NCOA2: variants seen among roughly 807,000 people sequenced by gnomAD.
NCOA2 encodes class E basic helix-loop-helix protein 75.
A neutral mutation model predicts 145.1 loss-of-function variants in NCOA2; 21 were observed. That is an observed-to-expected ratio of 0.14 (90% CI 0.10 to 0.21). The LOEUF is 0.21. NCOA2 is among the 10% of genes least tolerant of loss of function. NCOA2 has a pLI of 1.00. For missense variants in NCOA2, 1,472 were observed against 1,837.6 expected (o/e 0.80, Z 3.64); for synonymous variants, 619 against 637.5 (o/e 0.97, Z 0.44).
chr8:70,413,376 AC>A, the NCOA2 span, among the ~76,000 whole-genome samples: 7 of 152,320 alleles, frequency 4.6e-5, no homozygotes, highest in South Asian at 8.3e-4. Context: ...CCTGAGTCCT[AC>A]ATTTTTAAGA....
chr8:70,112,982 T>C lies in NCOA2; in HGVS notation c.*650A>G, dbSNP rs2131131870. 1 of 199,558 alleles carries C rather than the reference T, an allele frequency of 5.0e-6. No homozygotes were observed. Among genetic ancestry groups the C allele is most frequent in the Middle Eastern group, 1.7e-3 (1 of 596 alleles). The allele number at this position is 199,558 out of a possible 1,614,324, so 12.4% of individuals were successfully genotyped here. A position where few individuals can be genotyped will look rare whatever the true frequency, so the allele number is the denominator to read the frequency against. On this transcript the variant is annotated 3_prime_UTR_variant, in exon 23 of 23. Coordinates refer to ENST00000452400, the MANE Select transcript of NCOA2 (RefSeq NM_006540.4). Reference sequence around the variant, plus strand: ...GTTAACAGCCCTCTCACAGGCTCCTTTTCATCTGTTCAGTAACTGGAGACT... The same window carrying C: ...GTTAACAGCCCTCTCACAGGCTCCTCTTCATCTGTTCAGTAACTGGAGACT...
the NCOA2 span, among the ~76,000 whole-genome samples, chr8:70,409,488 A>G: frequency 6.6e-6 from 1 of 152,230 alleles, no homozygotes; most frequent in Non-Finnish European, 1.5e-5. Context: ...TGCTACAACT[A>G]GGTATCAGTT....
chr8:70,351,613 A>C (rs1195199243), intron 1 of NCOA2, among the ~76,000 whole-genome samples: 2 of 147,878 alleles, frequency 1.4e-5, no homozygotes, highest in Non-Finnish European at 3.0e-5. Flanking sequence ...TTTTTTTTAA[A>C]GTCTTGCTCT....
At chr8:70,129,518 A>G (rs1400549690) in intron 16 of NCOA2, among the ~76,000 whole-genome samples, 1 of 152,172 alleles carries the variant, frequency 6.6e-6, no homozygotes, top group Non-Finnish European at 1.5e-5. Flanking sequence ...GGTGGGGTCC[A>G]ATTCAGTTTG....
At chr8:70,297,126 A>C (rs1039522747) in intron 1 of NCOA2, among the ~76,000 whole-genome samples, 3 of 152,136 alleles carry the variant, frequency 2.0e-5, no homozygotes, top group African/African-American at 7.2e-5. Flanking sequence ...ATGAGACAAA[A>C]AGCTGAGTAA....
At chr8:70,428,866 T>TAA in the NCOA2 span, among the ~76,000 whole-genome samples, 3,468 of 147,104 alleles carry the variant, frequency 0.024, 128 homozygotes, top group African/African-American at 0.076. Context: ...GCTAATTTGC[T>TAA]AAAAAAAAAA....
At chr8:70,371,123 C>A (rs551540424) in intron 1 of NCOA2, among the ~76,000 whole-genome samples, 1 of 151,878 alleles carries the variant, frequency 6.6e-6, no homozygotes, top group Non-Finnish European at 1.5e-5. Flanking sequence ...CCCGTCTCTA[C>A]TAAAAATACA....
chr8:70,152,707 G>A (rs1321222202), intron 11 of NCOA2, among the ~76,000 whole-genome samples: 1 of 152,198 alleles, frequency 6.6e-6, no homozygotes, highest in Non-Finnish European at 1.5e-5. Flanking sequence ...AGGAAATGCT[G>A]TAGAAACAAA....
At chr8:70,238,109 C>T (rs948068470) in intron 2 of NCOA2, among the ~76,000 whole-genome samples, 2 of 152,024 alleles carry the variant, frequency 1.3e-5, no homozygotes, top group Non-Finnish European at 2.9e-5. Context: ...ACAGAAATGA[C>T]AGGTTCATGG....
Position 70,289,603 on chromosome 8 carries a change from T to G in NCOA2, c.-20+7141A>C, listed in dbSNP as rs1034104502. On this transcript the variant is annotated intron_variant, in intron 2 of 22. Coordinates refer to ENST00000452400, the MANE Select transcript of NCOA2 (RefSeq NM_006540.4). The stretch of plus-strand genomic sequence containing the variant: ...AATGTGTGACTTCTGCTTGTAAAAT[T>G]TATGTAACTGGCACCAAAAAAGCCA... Among the ~76,000 whole-genome samples the G allele has an allele frequency of 3.3e-5, 5 of 152,122 alleles. No individual in the cohort carries two copies. In the South Asian group the frequency reaches 6.2e-4, roughly 19 times the overall value.
chr8:70,238,184 T>G (rs1821817989), intron 2 of NCOA2, among the ~76,000 whole-genome samples: 1 of 152,118 alleles, frequency 6.6e-6, no homozygotes, highest in Non-Finnish European at 1.5e-5. Flanking sequence ...TTTAAACTAC[T>G]TAGGAAGAGG....
intron 2 of NCOA2, among the ~76,000 whole-genome samples, chr8:70,279,704 G>C (rs1284793040): frequency 6.6e-6 from 1 of 152,152 alleles, no homozygotes; most frequent in Non-Finnish European, 1.5e-5. Context: ...AATCCAACAT[G>C]GACCAGTGAG....
At chr8:70,220,778 T>C (rs1022144426) in intron 2 of NCOA2, among the ~76,000 whole-genome samples, 1 of 152,238 alleles carries the variant, frequency 6.6e-6, no homozygotes, top group Non-Finnish European at 1.5e-5. Flanking sequence ...ATAATTTATG[T>C]AAACGATAAT....
intron 22 of NCOA2, among the ~76,000 whole-genome samples, chr8:70,114,321 C>T (rs1000466586): frequency 1.3e-5 from 2 of 152,140 alleles, no homozygotes; most frequent in African/African-American, 2.4e-5. Context: ...GCACTGCACC[C>T]GGCCTCTTGG....
At chr8:70,256,718 C>G (rs533141921) in intron 2 of NCOA2, among the ~76,000 whole-genome samples, 111 of 152,224 alleles carry the variant, frequency 7.3e-4, no homozygotes, top group African/African-American at 2.4e-3. Flanking sequence ...TTATGTCTCC[C>G]AATTTACACA....
rs748332923 is a variant in NCOA2, at chr8:70,156,063, T to C, written c.2302A>G (p.Arg768Gly). The change falls in exon 11 of 23, where the codon AGA becomes GGA. Residue 768 changes from arginine (R) to glycine (G), a missense_variant. Physicochemically the swap from Arg to Gly is moderately radical, Grantham distance 125. Coordinates refer to ENST00000452400, the MANE Select transcript of NCOA2 (RefSeq NM_006540.4). ...GLPEITPKLE[R>G]LDSKTDPASN... The stretch of plus-strand genomic sequence containing the variant: ...GCAGGATCTGTCTTACTGTCCAGTC[T>C]CTCAAGTTTGGGGGTTATTTCTGGT... 6.2e-7 allele frequency: 1 copy of C among 1,613,824 alleles called. No homozygotes were observed. The highest frequency in any genetic ancestry group is 8.5e-7 in the Non-Finnish European group (1 of 1,179,850).
At chr8:70,304,837 G>A (rs1203809072) in intron 1 of NCOA2, among the ~76,000 whole-genome samples, 1 of 149,200 alleles carries the variant, frequency 6.7e-6, no homozygotes, top group African/African-American at 2.5e-5. Flanking sequence ...AGAAAAGAAA[G>A]TGGACCAGAA....
chr8:70,291,840 C>T (rs919831188), intron 2 of NCOA2, among the ~76,000 whole-genome samples: 7 of 152,128 alleles, frequency 4.6e-5, no homozygotes, highest in Admixed American at 3.3e-4. Flanking sequence ...TGGCTCACGC[C>T]TGTAATCCCA....
At chr8:70,157,477 G>T (rs959883511) in intron 10 of NCOA2, among the ~76,000 whole-genome samples, 1 of 152,144 alleles carries the variant, frequency 6.6e-6, no homozygotes, top group Non-Finnish European at 1.5e-5. Flanking sequence ...TACAGAGGGG[G>T]TGTGTTTAAA....
Sources: allele counts gnomAD v4.1 joint callset (sites outside exome capture counted in the v4.1 genomes callset), GRCh38; gene constraint gnomAD v4.1.1; transcripts MANE v1.5; gene names NCBI Gene and HGNC (gene_info 2026-07-23, HGNC 2026-07-21).